ZDHHC7: variants seen among roughly 807,000 people sequenced by gnomAD.
ZDHHC7 encodes the protein zDHHC palmitoyltransferase 7.
ZDHHC7 carries 12 observed loss-of-function variants against 34.1 expected under a neutral mutation model. The observed-to-expected ratio is 0.35, with a 90% CI of 0.23 to 0.57. The LOEUF is 0.57. Ranked by LOEUF, ZDHHC7 falls within the 20% of genes least tolerant of loss-of-function variation. The pLI, the probability that ZDHHC7 is intolerant of heterozygous loss-of-function variation, is 0.84. For synonymous variants in ZDHHC7, 185 were observed against 155.4 expected (o/e 1.19, Z -1.42); for missense variants, 388 against 402.7 (o/e 0.96, Z 0.31).
chr16:85,010,726 G>C (rs2072780012), intron 1 of ZDHHC7, among the ~76,000 whole-genome samples: 1 of 152,236 alleles, frequency 6.6e-6, no homozygotes, highest in Non-Finnish European at 1.5e-5. Context: ...CACACCAGGA[G>C]AGGTGAGCCT....
chr16:85,008,674 C>A (rs1053825718), intron 1 of ZDHHC7, among the ~76,000 whole-genome samples: 5 of 151,954 alleles, frequency 3.3e-5, no homozygotes, highest in African/African-American at 9.7e-5. Context: ...AACACTGACC[C>A]TGGAGACTAA....
In ZDHHC7 at chr16:84,990,632, C is replaced by T. The variant is rs1023262012; in HGVS notation, c.-14G>A. ...TGATGGCTGCATGATTTCCCTGACG[C>T]ACCCTGGGGAGGGGGACGACACAGA... On this transcript the variant is annotated 5_prime_UTR_variant, in exon 3 of 8. Transcript: ENST00000313732. 1 of 1,609,772 alleles carries T rather than the reference C, an allele frequency of 6.2e-7. No individual in the cohort carries two copies. Among genetic ancestry groups the T allele is most frequent in the Non-Finnish European group, 8.5e-7 (1 of 1,177,626 alleles).
At chr16:85,019,264 C>A in the ZDHHC7 span, among the ~76,000 whole-genome samples, 1 of 152,212 alleles carries the variant, frequency 6.6e-6, no homozygotes, top group Non-Finnish European at 1.5e-5. Flanking sequence ...TCACTTACCC[C>A]GTTGACTATT....
the ZDHHC7 span, among the ~76,000 whole-genome samples, chr16:85,024,624 C>T: frequency 2.6e-5 from 4 of 152,176 alleles, no homozygotes; most frequent in Non-Finnish European, 4.4e-5. Flanking sequence ...TGAGATATGT[C>T]GGCAGAGGCT....
chr16:84,981,934 C>T lies in ZDHHC7; in HGVS notation c.376G>A (p.Gly126Arg), dbSNP rs2072374954. ...TTGGGGCACTTGTAGATGACTTCCC[C>T]GGGCTTCAGCTGCAAGCTCTCCATG... is the stretch of plus-strand genomic sequence containing the variant. ...EYMESLQLKPGEVIYKCPKCC... is the reference protein window; with the variant it reads ...EYMESLQLKPREVIYKCPKCC... The change falls in exon 4 of 8, where the codon GGG (glycine) becomes AGG (arginine). Residue 126 changes from glycine (G) to arginine (R), a missense_variant. Transcript: ENST00000313732. The T allele has an allele frequency of 1.9e-6, 3 of 1,614,210 alleles. No homozygotes were observed. Among genetic ancestry groups the T allele is most frequent in the Non-Finnish European group, 2.5e-6 (3 of 1,180,022 alleles).
At chr16:85,000,079 G>A (rs951162693) in intron 1 of ZDHHC7, among the ~76,000 whole-genome samples, 2 of 151,736 alleles carry the variant, frequency 1.3e-5, no homozygotes, top group African/African-American at 4.8e-5. Context: ...GGTCGAGGCT[G>A]CAGTGAGCTG....
chr16:85,000,961 T>C (rs187238254), intron 1 of ZDHHC7, among the ~76,000 whole-genome samples: 181 of 152,172 alleles, frequency 1.2e-3, no homozygotes, highest in African/African-American at 4.1e-3. Flanking sequence ...ACAGCATGGG[T>C]GGGCCCCAGC....
intron 1 of ZDHHC7, among the ~76,000 whole-genome samples, chr16:85,006,595 C>A (rs563263470): frequency 2.0e-5 from 3 of 151,928 alleles, no homozygotes; most frequent in Admixed American, 1.3e-4. Flanking sequence ...AAAAAAGGAG[C>A]CAGTTTCAGT....
rs773186432 is a variant in ZDHHC7, at chr16:84,990,630, C to T, written c.-12G>A. Reference sequence around the variant, plus strand: ...CCTGATGGCTGCATGATTTCCCTGACGCACCCTGGGGAGGGGGACGACACA... The same window carrying T: ...CCTGATGGCTGCATGATTTCCCTGATGCACCCTGGGGAGGGGGACGACACA... On this transcript the variant is annotated 5_prime_UTR_variant, in exon 3 of 8. Coordinates refer to ENST00000313732, the MANE Select transcript of ZDHHC7 (RefSeq NM_017740.3). 1.4e-5 allele frequency: 23 copies of T among 1,610,328 alleles called. No individual in the cohort carries two copies. In the South Asian group the frequency reaches 2.0e-4, roughly 14 times the overall value.
chr16:85,017,858 T>G, the ZDHHC7 span, among the ~76,000 whole-genome samples: 1,515 of 152,188 alleles, frequency 1.0e-2, 16 homozygotes, highest in Non-Finnish European at 0.018. Flanking sequence ...AAAAGTCACG[T>G]GTAAGGGGGT....
At chr16:84,997,132 A>G (rs563963990) in intron 1 of ZDHHC7, among the ~76,000 whole-genome samples, 2 of 152,306 alleles carry the variant, frequency 1.3e-5, no homozygotes, top group East Asian at 1.9e-4. Context: ...GAAAATGTCA[A>G]CAAGGCATAG....
the ZDHHC7 span, among the ~76,000 whole-genome samples, chr16:85,020,568 G>A: frequency 6.6e-6 from 1 of 152,286 alleles, no homozygotes; most frequent in East Asian, 1.9e-4. Context: ...AGGAGCTTGA[G>A]GTCAAAGGAA....
intron 1 of ZDHHC7, among the ~76,000 whole-genome samples, chr16:84,997,459 G>GA (rs1486000432): frequency 6.6e-6 from 1 of 150,754 alleles, no homozygotes. Context: ...TTTTAGTAGA[G>GA]ACGTGGTTTC....
At chr16:85,022,537 G>A in the ZDHHC7 span, among the ~76,000 whole-genome samples, 1 of 151,896 alleles carries the variant, frequency 6.6e-6, no homozygotes, top group East Asian at 1.9e-4. Flanking sequence ...ATAAGAAGAA[G>A]GAGAAGAAGA....
Position 84,977,913 on chromosome 16 carries a change from A to C in ZDHHC7, c.619+11T>G. 1 of 1,609,874 alleles carries C rather than the reference A, an allele frequency of 6.2e-7. No homozygotes were observed. The highest frequency in any genetic ancestry group is 8.5e-7 in the Non-Finnish European group (1 of 1,176,694). On this transcript the variant is annotated intron_variant, in intron 6 of 7. Coordinates refer to ENST00000313732, the MANE Select transcript of ZDHHC7 (RefSeq NM_017740.3). ...GCAAAGCCAGGAATGACACATAGCC[A>C]GGGAACTTACCAGTCCACTGCCCTC...
intron 1 of ZDHHC7, chr16:85,005,015 G>C (rs770531869): frequency 6.6e-6 from 1 of 152,164 alleles, no homozygotes; most frequent in Non-Finnish European, 1.5e-5. Context: ...ATGCTTACTC[G>C]TACCCCAAAG....
chr16:84,981,210 T>C (rs2072363568), intron 4 of ZDHHC7, among the ~76,000 whole-genome samples: 1 of 151,926 alleles, frequency 6.6e-6, no homozygotes, highest in African/African-American at 2.4e-5. Context: ...GGGAAGAGGA[T>C]AAAATGCAAC....
At chr16:84,987,506 TC>T (rs760806723) in intron 3 of ZDHHC7, among the ~76,000 whole-genome samples, 25 of 151,988 alleles carry the variant, frequency 1.6e-4, no homozygotes, top group African/African-American at 4.8e-4. Flanking sequence ...TTCTTTTTTT[TC>T]CCCCAGTGGG....
intron 2 of ZDHHC7, among the ~76,000 whole-genome samples, chr16:84,995,593 T>G (rs1475310975): frequency 1.3e-5 from 2 of 152,114 alleles, no homozygotes; most frequent in East Asian, 1.9e-4. Context: ...GCCATTGCAC[T>G]CTAGCCTAGG....
Sources: gnomAD v4.1 joint callset for allele counts (sites outside exome capture counted in the v4.1 genomes callset) on GRCh38, gnomAD v4.1.1 for gene constraint, MANE v1.5 for transcripts, NCBI Gene and HGNC (gene_info 2026-07-23, HGNC 2026-07-21) for gene names.